LRRC31: variants seen among roughly 807,000 people sequenced by gnomAD.
LRRC31 encodes the protein leucine-rich repeat-containing protein 31.
In LRRC31, 35 loss-of-function variants were observed where a neutral mutation model predicts 46.7. The observed-to-expected ratio is 0.75, with a 90% CI of 0.57 to 0.99. The LOEUF (loss-of-function observed/expected upper bound fraction) is 0.99, where lower values mean the gene tolerates loss of function less well. Ranked by LOEUF, LRRC31 falls within the 50% of genes least tolerant of loss-of-function variation. LRRC31 has a pLI of 0.00. For missense variants in LRRC31, 613 were observed against 626.1 expected (o/e 0.98, Z 0.22); for synonymous variants, 236 against 235.1 (o/e 1.00, Z -0.03).
chr3:169,839,965 G>C lies in LRRC31; in HGVS notation c.*17C>G. ...TTGGAGAATGGTTTGTAGCTTAGTA[G>C]GACATGGGAAATCAGTTTACTGAAA... On this transcript the variant is annotated 3_prime_UTR_variant, in exon 9 of 9. Transcript: ENST00000316428. 1 of 1,580,888 alleles carries C rather than the reference G, an allele frequency of 6.3e-7. No individual in the cohort carries two copies. Among genetic ancestry groups the C allele is most frequent in the Non-Finnish European group, 8.6e-7 (1 of 1,157,804 alleles).
chr3:169,851,613 T>C lies in LRRC31; in HGVS notation c.1159+6A>G, dbSNP rs1190989856. 6.2e-7 allele frequency: 1 copy of C among 1,611,096 alleles called. No homozygotes were observed. The highest frequency in any genetic ancestry group is 2.2e-5 in the East Asian group (1 of 44,858). On this transcript the variant is annotated splice_donor_region_variant and intron_variant, in intron 7 of 8. Transcript: ENST00000316428. The stretch of plus-strand genomic sequence containing the variant: ...GGTTCCTGCAGGGATCTGGGAAATC[T>C]CTTACCAAGAGCTGTAAAAGTCTCA...
chr3:169,869,677 G>A lies in LRRC31; in HGVS notation c.131C>T (p.Ser44Phe), dbSNP rs190983691. 1.7e-3 allele frequency: 2,780 copies of A among 1,610,328 alleles called. 15 individuals carry two copies. The highest frequency in any genetic ancestry group is 2.0e-3 in the Non-Finnish European group (2,391 of 1,178,684). ...KEDNDLKTSD[S>F]QPSDWIQKTA... is the part of the protein sequence containing the mutation. ...CTTCTGTATCCAGTCGCTGGGTTGGGAATCACTTGTTTTAAGGTCATTGTC... is the reference window on the plus strand; with the variant it reads ...CTTCTGTATCCAGTCGCTGGGTTGGAAATCACTTGTTTTAAGGTCATTGTC... The change falls in exon 1 of 9, where the codon TCC (serine) becomes TTC (phenylalanine). Residue 44 changes from serine (S) to phenylalanine (F), a missense_variant. Physicochemically the swap from Ser to Phe is radical, Grantham distance 155. Transcript: ENST00000316428.
intron 3 of LRRC31, 79 bp downstream of exon 3, chr3:169,860,482 C>A (rs1360861519): frequency 6.9e-7 from 1 of 1,454,686 alleles, no homozygotes; most frequent in Non-Finnish European, 9.6e-7. Context: ...CCAGCCTCAG[C>A]CTCCCAAAGT....
At position 169,851,862 on chromosome 3, in the gene LRRC31, T is replaced by G. The variant is rs1038056054; in HGVS notation, c.992-76A>C. The stretch of plus-strand genomic sequence containing the variant: ...TCTTCTGGGTGTTTGGTTCCCACAA[T>G]CTGTTTAATCTGTCAGTCAATACAG... On this transcript the variant is annotated intron_variant, in intron 6 of 8. Transcript: ENST00000316428. 29 of 1,433,030 alleles carry G rather than the reference T, an allele frequency of 2.0e-5. No individual in the cohort carries two copies. The African/African-American group carries it at 3.9e-4, about 19-fold the overall frequency. 88.8% of individuals were successfully genotyped at this position (1,433,030 alleles called of 1,614,324 possible). A position where few individuals can be genotyped will look rare whatever the true frequency, so the allele number is the denominator to read the frequency against.
At chr3:169,867,836 T>C (rs561478371) in intron 1 of LRRC31, among the ~76,000 whole-genome samples, 47 of 152,318 alleles carry the variant, frequency 3.1e-4, no homozygotes, top group African/African-American at 1.0e-3. Context: ...TTCATAACCC[T>C]TGAATTTGCA....
chr3:169,862,984 G>C (rs1781217409), intron 1 of LRRC31, among the ~76,000 whole-genome samples: 1 of 151,566 alleles, frequency 6.6e-6, no homozygotes, highest in African/African-American at 2.4e-5. Flanking sequence ...CCAGGTTCAA[G>C]CAATTCTCCT....
In LRRC31 at chr3:169,860,601, C is replaced by G. The variant is rs781728974; in HGVS notation, c.447G>C (p.Leu149=). The G allele has an allele frequency of 3.7e-6, 6 of 1,614,132 alleles. No individual in the cohort carries two copies. Among genetic ancestry groups the G allele is most frequent in the Non-Finnish European group, 5.1e-6 (6 of 1,180,012 alleles). ...HLVSKLKILR[L]GSCRLTTDDV... is the part of the protein sequence containing the mutation. ...CGTCAGTGGTGAGTCTGCAGCTACC[C>G]AGCCTCAAGATTTTTAACTTGCTGA... is the stretch of plus-strand genomic sequence containing the variant. Residue 149 remains leucine (L), a synonymous_variant, in exon 3 of 9, where the codon CTG becomes CTC. Coordinates refer to ENST00000316428, the MANE Select transcript of LRRC31 (RefSeq NM_024727.4).
chr3:169,856,723 C>A lies in LRRC31; in HGVS notation c.637G>T (p.Glu213Ter). The change falls in exon 4 of 9, where the codon GAA (glutamate) becomes TAA (stop). Residue 213 changes from glutamate (E) to a stop codon, truncating the protein, a stop_gained. Coordinates refer to ENST00000316428, the MANE Select transcript of LRRC31 (RefSeq NM_024727.4). LOFTEE classifies it high-confidence loss of function. The part of the protein sequence containing the change: ...IELVDCSLTS[E>*]DGTFLGQLLP... ...CACTTACCCAGAAATGTCCCATCTT[C>A]TGACGTGAGGGAGCAATCCACAAGC... The A allele has an allele frequency of 1.3e-6, 2 of 1,584,386 alleles. No homozygotes were observed. Among genetic ancestry groups the A allele is most frequent in the Non-Finnish European group, 1.7e-6 (2 of 1,164,388 alleles).
chr3:169,851,644 C>G lies in LRRC31; in HGVS notation c.1134G>C (p.Leu378Phe), dbSNP rs35923425. Residue 378 changes from leucine to phenylalanine, a missense_variant, in exon 7 of 9, where the codon TTG (leucine) becomes TTC (phenylalanine). Leu to Phe is a conservative substitution (Grantham distance 22, BLOSUM62 0). Coordinates refer to ENST00000316428, the MANE Select transcript of LRRC31 (RefSeq NM_024727.4). ...LKSLVINNCA[L>F]ESETFTALAE... ...CAAGAGCTGTAAAAGTCTCACTCTC[C>G]AAAGCACAGTTGTTGATAACTAATG... The G allele has an allele frequency of 0.069, 111,498 of 1,613,726 alleles. 4,249 individuals carry two copies. The highest frequency in any genetic ancestry group is 0.099 in the Admixed American group (5,915 of 59,998).
In LRRC31 at chr3:169,861,665, C is replaced by T; in HGVS notation, c.319+5G>A. ...TCCTCTATGCAAAGTCTGCTGCATA[C>T]AGACCCATTTCTTTCATGTCCGCTG... On this transcript the variant is annotated splice_donor_5th_base_variant and intron_variant, in intron 2 of 8. Transcript: ENST00000316428. 6.2e-7 allele frequency: 1 copy of T among 1,613,666 alleles called. No homozygotes were observed. Among genetic ancestry groups the T allele is most frequent in the South Asian group, 1.1e-5 (1 of 91,010 alleles).
At chr3:169,861,074 T>C (rs1161538117) in intron 2 of LRRC31, among the ~76,000 whole-genome samples, 1 of 149,422 alleles carries the variant, frequency 6.7e-6, no homozygotes, top group East Asian at 2.0e-4. Flanking sequence ...CTTTTCCTTT[T>C]TTTTTTTTTT....
At chr3:169,847,000 A>G (rs1227018935) in intron 8 of LRRC31, among the ~76,000 whole-genome samples, 1 of 152,110 alleles carries the variant, frequency 6.6e-6, no homozygotes, top group Non-Finnish European at 1.5e-5. Flanking sequence ...TACACTGAGA[A>G]CACAGATACA....
In LRRC31 at chr3:169,839,835, A is replaced by G. The variant is rs1027569784; in HGVS notation, c.*147T>C. ...ATATGTATATTACATATATATATGTAATATATATATATATTTACAAAGCTC... is the reference window on the plus strand; with the variant it reads ...ATATGTATATTACATATATATATGTGATATATATATATATTTACAAAGCTC... On this transcript the variant is annotated 3_prime_UTR_variant, in exon 9 of 9. Coordinates refer to ENST00000316428, the MANE Select transcript of LRRC31 (RefSeq NM_024727.4). 1 of 240,758 alleles carries G rather than the reference A, an allele frequency of 4.2e-6. No individual in the cohort carries two copies. The highest frequency in any genetic ancestry group is 7.7e-6 in the Non-Finnish European group (1 of 129,280). The allele number at this position is 240,758 out of a possible 1,614,324, so 14.9% of individuals were successfully genotyped here.
chr3:169,869,574 A>G, intron 1 of LRRC31, 59 bp downstream of exon 1: 1 of 1,436,312 alleles, frequency 7.0e-7, no homozygotes, highest in Non-Finnish European at 9.4e-7. Context: ...AATATTTTAA[A>G]TGTGGAAGTA....
intron 5 of LRRC31, among the ~76,000 whole-genome samples, chr3:169,855,594 C>A (rs7624769): frequency 0.025 from 3,805 of 152,270 alleles, 144 homozygotes; most frequent in African/African-American, 0.086. Context: ...AGGGGAAACA[C>A]AATATCATTT....
At chr3:169,866,511 T>C (rs562349971) in intron 1 of LRRC31, among the ~76,000 whole-genome samples, 10 of 152,340 alleles carry the variant, frequency 6.6e-5, no homozygotes, top group African/African-American at 2.4e-4. Context: ...AACAATTTTC[T>C]GATAGAGATG....
At chr3:169,852,109 C>A (rs945542657) in intron 6 of LRRC31, among the ~76,000 whole-genome samples, 3 of 151,976 alleles carry the variant, frequency 2.0e-5, no homozygotes, top group African/African-American at 7.3e-5. Context: ...ATACTCTTAG[C>A]CCTCTCGGCA....
Position 169,856,686 on chromosome 3 carries a change from C to G in LRRC31, c.655+19G>C. ...GTGGGCATCTTCACTTTTTTTTTTT[C>G]TCTTCAAATTCCACTTACCCAGAAA... On this transcript the variant is annotated intron_variant, in intron 4 of 8. Coordinates refer to ENST00000316428, the MANE Select transcript of LRRC31 (RefSeq NM_024727.4). The G allele has an allele frequency of 6.6e-7, 1 of 1,518,028 alleles. No homozygotes were observed. The allele number at this position is 1,518,028 out of a possible 1,614,324, so 94.0% of individuals were successfully genotyped here.
chr3:169,841,490 G>A (rs1780446518), intron 8 of LRRC31, among the ~76,000 whole-genome samples: 1 of 152,178 alleles, frequency 6.6e-6, no homozygotes, highest in Non-Finnish European at 1.5e-5. Flanking sequence ...GCTGCACTCT[G>A]TCTCTAGGTG....
Sources: gnomAD v4.1 joint callset for allele counts (sites outside exome capture counted in the v4.1 genomes callset) on GRCh38, gnomAD v4.1.1 for gene constraint, MANE v1.5 for transcripts, NCBI Gene and HGNC (gene_info 2026-07-23, HGNC 2026-07-21) for gene names.